The following LYPLA1 variants were observed in gnomAD, a reference collection of about 807,000 sequenced individuals.
LYPLA1 encodes the protein acyl-protein thioesterase 1.
A neutral mutation model predicts 34.0 loss-of-function variants in LYPLA1; 17 were observed. The observed-to-expected ratio is 0.50, with a 90% CI of 0.34 to 0.75. The LOEUF (loss-of-function observed/expected upper bound fraction) is 0.75, where lower values mean the gene tolerates loss of function less well. Among genes scored for constraint, LYPLA1 ranks in the 30% least tolerant of loss-of-function variants. The pLI is 0.01. For missense variants in LYPLA1, 203 were observed against 288.8 expected, an observed-to-expected ratio of 0.70 and a Z score of 2.15; for synonymous variants, 98 against 100.8, an observed-to-expected ratio of 0.97 and a Z score of 0.17.
intron 2 of LYPLA1, among the ~76,000 whole-genome samples, chr8:54,090,492 C>T (rs1809146942): frequency 6.6e-6 from 1 of 152,190 alleles, no homozygotes; most frequent in South Asian, 2.1e-4. Flanking sequence ...CTTCTACATA[C>T]AAATGTTATG....
intron 5 of LYPLA1, among the ~76,000 whole-genome samples, chr8:54,057,839 C>T (rs1185241057): frequency 6.6e-6 from 1 of 152,108 alleles, no homozygotes; most frequent in East Asian, 1.9e-4. Flanking sequence ...AGGATAAACG[C>T]TTGAGGGGAT....
chr8:54,059,299 G>GTTTTTTT lies in LYPLA1; in HGVS notation c.286+2948_286+2954dup, dbSNP rs573966934. On this transcript the variant is annotated intron_variant, in intron 5 of 8. Coordinates refer to ENST00000316963, the MANE Select transcript of LYPLA1 (RefSeq NM_006330.4). ...CACATCTTTTGAATGTATTTTCCCTGTTTTTTTTTTTTTTTTGAGACGGAG... is the reference window on the plus strand; with the variant it reads ...CACATCTTTTGAATGTATTTTCCCTGTTTTTTTTTTTTTTTTTTTTTTTGAGACGGAG... 5.1e-4 allele frequency among the ~76,000 whole-genome samples: 57 copies of GTTTTTTT among 112,704 alleles called. 8 individuals are homozygous for GTTTTTTT. The highest frequency in any genetic ancestry group is 2.6e-3 in the African/African-American group (54 of 20,576). 73.9% of individuals were successfully genotyped at this position (112,704 alleles called of 152,430 possible).
At chr8:54,098,552 G>A (rs1043191881) in intron 2 of LYPLA1, among the ~76,000 whole-genome samples, 32 of 152,106 alleles carry the variant, frequency 2.1e-4, no homozygotes, top group African/African-American at 7.5e-4. Context: ...GTGGTAGCAC[G>A]CGCCTGTAAT....
chr8:54,073,370 C>G (rs1399892135), intron 2 of LYPLA1: 1 of 794,072 alleles, frequency 1.3e-6, no homozygotes, highest in Non-Finnish European at 2.3e-6. Context: ...CCCCATGACA[C>G]CTGGCTGCCC....
downstream of LYPLA1, among the ~76,000 whole-genome samples, chr8:54,043,702 C>T (rs1426590995): frequency 6.6e-6 from 1 of 152,044 alleles, no homozygotes; most frequent in African/African-American, 2.4e-5. Context: ...GCTGGGATTA[C>T]AGGCATGTGC....
At chr8:54,044,409 T>C (rs1160826856), downstream of LYPLA1, among the ~76,000 whole-genome samples, 1 of 152,174 alleles carries the variant, frequency 6.6e-6, no homozygotes. Flanking sequence ...TTCTTGACGT[T>C]AATATTTAAC....
chr8:54,101,923 C>CACGCTCAGGCGCGTGCGCGCCA lies in LYPLA1; in HGVS notation c.-122_-101dup, dbSNP rs1810201299. 3.3e-6 allele frequency: 2 copies of CACGCTCAGGCGCGTGCGCGCCA among 605,354 alleles called. No individual in the cohort carries two copies. The highest frequency in any genetic ancestry group is 1.5e-4 in the South Asian group (2 of 13,022). 37.5% of individuals were successfully genotyped at this position (605,354 alleles called of 1,614,324 possible). The stretch of plus-strand genomic sequence containing the variant: ...GAGTCCCGGCCGGCCCCACCGGGCG[C>CACGCTCAGGCGCGTGCGCGCCA]ACGCTCAGGCGCGTGCGCGCCAACG... On this transcript the variant is annotated 5_prime_UTR_variant, in exon 1 of 9. Coordinates refer to ENST00000316963, the MANE Select transcript of LYPLA1 (RefSeq NM_006330.4).
chr8:54,055,329 A>G (rs928400533), intron 5 of LYPLA1, among the ~76,000 whole-genome samples, 196 bp from the exon 6 acceptor site: 2 of 152,206 alleles, frequency 1.3e-5, no homozygotes, highest in East Asian at 3.8e-4. Flanking sequence ...CGTGAAAAGG[A>G]AATTTTAAAA....
chr8:54,090,833 C>T (rs1354500608), intron 2 of LYPLA1, among the ~76,000 whole-genome samples: 1 of 152,168 alleles, frequency 6.6e-6, no homozygotes, highest in Non-Finnish European at 1.5e-5. Flanking sequence ...TGGTTTCCCC[C>T]ATGCTGTTCT....
At chr8:54,101,503 G>T in intron 1 of LYPLA1, 1 of 1,124,674 alleles carries the variant, frequency 8.9e-7, no homozygotes, top group Non-Finnish European at 1.1e-6. Context: ...GCCGGCCCGC[G>T]GGGGTCCCGG....
chr8:54,068,897 G>C (rs1191393594), intron 2 of LYPLA1, among the ~76,000 whole-genome samples: 1 of 152,050 alleles, frequency 6.6e-6, no homozygotes, highest in Non-Finnish European at 1.5e-5. Flanking sequence ...TACATAGTGG[G>C]AAAAATGTTT....
intron 8 of LYPLA1, among the ~76,000 whole-genome samples, chr8:54,048,332 C>T (rs558298877): frequency 6.6e-6 from 1 of 152,276 alleles, no homozygotes; most frequent in East Asian, 1.9e-4. Flanking sequence ...AGCTCCCATC[C>T]AGTATCTAGT....
At chr8:54,089,492 T>TTGG (rs1809047941) in intron 2 of LYPLA1, among the ~76,000 whole-genome samples, 1 of 102,974 alleles carries the variant, frequency 9.7e-6, no homozygotes, top group East Asian at 4.5e-4. Flanking sequence ...CAGACATCCC[T>TTGG]GGGGGGGGGC....
At chr8:54,063,404 C>T in intron 3 of LYPLA1, 29 bp from the exon 4 acceptor site, 1 of 1,428,174 alleles carries the variant, frequency 7.0e-7, no homozygotes, top group Non-Finnish European at 9.5e-7. Flanking sequence ...ACAACAAAAT[C>T]AGAATAACAA....
chr8:54,066,395 A>C (rs1292842549), intron 2 of LYPLA1, among the ~76,000 whole-genome samples: 1 of 152,236 alleles, frequency 6.6e-6, no homozygotes, highest in Non-Finnish European at 1.5e-5. Context: ...ACAGGGCTTC[A>C]CAACTTCCAA....
chr8:54,087,623 T>G (rs1808903066), intron 2 of LYPLA1, among the ~76,000 whole-genome samples: 1 of 152,230 alleles, frequency 6.6e-6, no homozygotes, highest in East Asian at 1.9e-4. Flanking sequence ...ATGTATCTGA[T>G]AGGAGTCTAG....
intron 2 of LYPLA1, among the ~76,000 whole-genome samples, chr8:54,099,595 G>A (rs1809956619): frequency 6.6e-6 from 1 of 152,156 alleles, no homozygotes; most frequent in African/African-American, 2.4e-5. Context: ...CCAGAAGGTG[G>A]AGGTTGCAGT....
intron 3 of LYPLA1, 86 bp downstream of exon 3, chr8:54,065,662 T>G (rs1337920686): frequency 4.3e-6 from 4 of 930,496 alleles, no homozygotes; most frequent in Non-Finnish European, 6.7e-6. Context: ...TTAACTGTAT[T>G]CAAATACTTT....
intron 2 of LYPLA1, among the ~76,000 whole-genome samples, chr8:54,081,498 T>A (rs1296761975): frequency 6.6e-6 from 1 of 151,902 alleles, no homozygotes; most frequent in South Asian, 2.1e-4. Context: ...TCACCCAGGA[T>A]GGAGTGCAGC....
Sources: allele counts gnomAD v4.1 joint callset (sites outside exome capture counted in the v4.1 genomes callset), GRCh38; gene constraint gnomAD v4.1.1; transcripts MANE v1.5; gene names NCBI Gene and HGNC (gene_info 2026-07-23, HGNC 2026-07-21).